EIF4E3: variants seen among roughly 807,000 people sequenced by gnomAD.
EIF4E3 encodes the protein eukaryotic translation initiation factor 4E type 3.
In EIF4E3, 26 loss-of-function variants were observed where a neutral mutation model predicts 31.7. The observed-to-expected ratio is 0.82, with a 90% CI of 0.60 to 1.14. The LOEUF (loss-of-function observed/expected upper bound fraction) is 1.14. Among genes scored for constraint, EIF4E3 ranks in the 50% most tolerant of loss-of-function variants. The pLI is 0.00. For synonymous variants in EIF4E3, 128 were observed against 107.7 expected (o/e 1.19, Z -1.17); for missense variants, 304 against 270.9 (o/e 1.12, Z -0.86).
intron 1 of EIF4E3, among the ~76,000 whole-genome samples, chr3:71,722,405 C>A (rs1265133218): frequency 1.3e-5 from 2 of 152,152 alleles, no homozygotes; most frequent in Non-Finnish European, 1.5e-5. Context: ...AAAGAAGAGG[C>A]CTGAGGCCTG....
intron 2 of EIF4E3, among the ~76,000 whole-genome samples, chr3:71,708,639 C>G (rs2049329735): frequency 6.6e-6 from 1 of 152,026 alleles, no homozygotes; most frequent in East Asian, 1.9e-4. Flanking sequence ...AGCCCCAGAA[C>G]CCCTTGCATA....
In EIF4E3 at chr3:71,677,803, G is replaced by A. The variant is rs938871739; in HGVS notation, c.*6879C>T. The A allele has an allele frequency of 9.2e-5, 14 of 152,120 alleles. No homozygotes were observed. Among genetic ancestry groups the A allele is most frequent in the African/African-American group, 3.4e-4 (14 of 41,420 alleles). 9.4% of individuals were successfully genotyped at this position (152,120 alleles called of 1,614,324 possible). ...AATATATTAGACAGCCAGAAAGGAGGAGTAAATTCACTTTACTTGCCGAAA... is the reference window on the plus strand; with the variant it reads ...AATATATTAGACAGCCAGAAAGGAGAAGTAAATTCACTTTACTTGCCGAAA... On this transcript the variant is annotated 3_prime_UTR_variant, in exon 7 of 7. Transcript: ENST00000425534.
At chr3:71,726,774 A>G (rs7627279), upstream of EIF4E3, among the ~76,000 whole-genome samples, 1 of 152,242 alleles carries the variant, frequency 6.6e-6, no homozygotes, top group South Asian at 2.1e-4. Context: ...CTTAACTTCT[A>G]TACAACATAC....
upstream of EIF4E3, among the ~76,000 whole-genome samples, chr3:71,727,770 G>C (rs1288207786): frequency 1.3e-5 from 2 of 152,206 alleles, no homozygotes; most frequent in Non-Finnish European, 1.5e-5. Context: ...TAGAAAGGAA[G>C]TTTTGCTTTC....
intron 1 of EIF4E3, among the ~76,000 whole-genome samples, chr3:71,713,945 T>A (rs2049419902): frequency 6.6e-6 from 1 of 152,062 alleles, no homozygotes. Context: ...GCACAGTGGT[T>A]CACACCTGTA....
downstream of EIF4E3, among the ~76,000 whole-genome samples, chr3:71,671,188 A>G (rs955206472): frequency 1.3e-5 from 2 of 152,150 alleles, no homozygotes; most frequent in African/African-American, 4.8e-5. Context: ...GAGGAGGCTA[A>G]AAGAAAACTC....
intron 6 of EIF4E3, among the ~76,000 whole-genome samples, chr3:71,685,109 C>G (rs181852822): frequency 6.6e-6 from 1 of 151,806 alleles, no homozygotes. Context: ...CTGACACAAC[C>G]CAAGACAGAG....
rs2049609657 is a variant in EIF4E3, at chr3:71,725,008, G to A, written c.176+184C>T. On this transcript the variant is annotated intron_variant, in intron 1 of 6. Transcript: ENST00000425534. This position sits in a 1 kb window ranked among gnomAD's most constrained non-coding sequence, Gnocchi z 6.1. ...CGAGGACGCCGAACAGCCGCCCGGC[G>A]CGGCCCGAAGCTGGCTTCCGACCCG... Among the ~76,000 whole-genome samples, 2 of 152,120 alleles carry A rather than the reference G, an allele frequency of 1.3e-5. No homozygotes were observed. The highest frequency in any genetic ancestry group is 4.1e-4 in the South Asian group (2 of 4,830).
rs1176243806 is a variant in EIF4E3, at chr3:71,724,302, A to G, written c.176+890T>C. ...GCACAGTTCTAGGTCCAAAATGTCCAAAAACAAAAATCCACTGCTCTTTTA... is the reference window on the plus strand; with the variant it reads ...GCACAGTTCTAGGTCCAAAATGTCCGAAAACAAAAATCCACTGCTCTTTTA... On this transcript the variant is annotated intron_variant, in intron 1 of 6. Coordinates refer to ENST00000425534, the MANE Select transcript of EIF4E3 (RefSeq NM_001134651.2). Among the ~76,000 whole-genome samples the G allele has an allele frequency of 9.9e-5, 15 of 152,208 alleles. 1 individual carries two copies. The highest frequency in any genetic ancestry group is 9.8e-4 in the Admixed American group (15 of 15,284).
chr3:71,714,562 G>A (rs945635088), intron 1 of EIF4E3, among the ~76,000 whole-genome samples: 1 of 152,194 alleles, frequency 6.6e-6, no homozygotes, highest in Admixed American at 6.5e-5. Flanking sequence ...CCTTTTGTGA[G>A]CCAAATGTGA....
intron 4 of EIF4E3, 55 bp from the exon 5 acceptor site, chr3:71,693,996 C>T: frequency 1.4e-6 from 2 of 1,467,686 alleles, no homozygotes; most frequent in Non-Finnish European, 1.8e-6. Flanking sequence ...TATTTTTAGA[C>T]AATTATCCTC....
chr3:71,754,174 TG>T, upstream of EIF4E3: 1 of 1,450,258 alleles, frequency 6.9e-7, no homozygotes, highest in Non-Finnish European at 9.2e-7. The surrounding 1 kb of genome is among the most constrained non-coding windows in gnomAD (Gnocchi z 5.8). Flanking sequence ...TTCGCGCTGC[TG>T]ATCGTGCGGG....
At chr3:71,714,006 T>C (rs1356768844) in intron 1 of EIF4E3, among the ~76,000 whole-genome samples, 3 of 152,022 alleles carry the variant, frequency 2.0e-5, no homozygotes, top group South Asian at 2.1e-4. Flanking sequence ...AGGTCAGGTG[T>C]TCGAGACCAG....
At chr3:71,720,599 C>T (rs1399992626) in intron 1 of EIF4E3, among the ~76,000 whole-genome samples, 1 of 152,174 alleles carries the variant, frequency 6.6e-6, no homozygotes, top group Non-Finnish European at 1.5e-5. Flanking sequence ...CTGGATCACA[C>T]AACTTCATAA....
At chr3:71,664,214 C>G in the EIF4E3 span, among the ~76,000 whole-genome samples, 1 of 152,148 alleles carries the variant, frequency 6.6e-6, no homozygotes, top group Non-Finnish European at 1.5e-5. Flanking sequence ...TAGAGCCTGA[C>G]TACATACAAA....
intron 2 of EIF4E3, among the ~76,000 whole-genome samples, chr3:71,701,646 C>A (rs1177718316): frequency 6.6e-6 from 1 of 152,084 alleles, no homozygotes; most frequent in African/African-American, 2.4e-5. Flanking sequence ...TCCTAGGGCT[C>A]ATGAACTGAG....
the EIF4E3 span, among the ~76,000 whole-genome samples, chr3:71,667,983 ATGC>A: frequency 6.6e-6 from 1 of 152,238 alleles, no homozygotes; most frequent in Admixed American, 6.5e-5. Context: ...TGGAGGCATC[ATGC>A]TACCTGGCTT....
rs1204534100 is a variant in EIF4E3 at position 71,683,726 on chromosome 3, G to A, written c.*956C>T. On this transcript the variant is annotated 3_prime_UTR_variant, in exon 7 of 7. Transcript: ENST00000425534. ...CTGATGATGAGAAATGACACACAAT[G>A]TGAGCAGGGAAAGGGATCATTTAAC... The A allele has an allele frequency of 2.0e-5, 3 of 152,254 alleles. No individual in the cohort carries two copies. The highest frequency in any genetic ancestry group is 2.9e-5 in the Non-Finnish European group (2 of 68,060). 9.4% of individuals were successfully genotyped at this position (152,254 alleles called of 1,614,324 possible).
At chr3:71,754,607 C>G (rs759748874), upstream of EIF4E3, 1 of 1,446,774 alleles carries the variant, frequency 6.9e-7, no homozygotes, top group Non-Finnish European at 9.1e-7. This position sits in a 1 kb window ranked among gnomAD's most constrained non-coding sequence, Gnocchi z 5.8. Flanking sequence ...CGCTGGGCTT[C>G]CTGCTGCTGC....
Sources: allele counts gnomAD v4.1 joint callset (sites outside exome capture counted in the v4.1 genomes callset), GRCh38; gene constraint gnomAD v4.1.1; non-coding constraint Gnocchi (gnomAD v3.1); transcripts MANE v1.5; gene names NCBI Gene and HGNC (gene_info 2026-07-23, HGNC 2026-07-21).